ZFPM2: variants seen among roughly 807,000 people sequenced by gnomAD.
ZFPM2 encodes the protein zinc finger protein ZFPM2.
A neutral mutation model predicts 98.6 loss-of-function variants in ZFPM2; 20 were observed. The observed-to-expected ratio is 0.20, with a 90% CI of 0.14 to 0.29. ZFPM2 has a LOEUF of 0.29. Among genes scored for constraint, ZFPM2 ranks in the 10% least tolerant of loss-of-function variants. ZFPM2 has a pLI of 1.00. For synonymous variants in ZFPM2, 518 were observed against 502.7 expected (o/e 1.03, Z -0.41); for missense variants, 1,310 against 1,388.6 (o/e 0.94, Z 0.90).
chr8:105,377,728 C>T (rs144774754), intron 1 of ZFPM2, among the ~76,000 whole-genome samples: 2 of 151,646 alleles, frequency 1.3e-5, no homozygotes, highest in East Asian at 1.9e-4. Flanking sequence ...TGCAGTGAGC[C>T]GAGATTGCAC....
intron 5 of ZFPM2, among the ~76,000 whole-genome samples, chr8:105,721,658 T>A (rs984664939): frequency 6.6e-6 from 1 of 151,996 alleles, no homozygotes; most frequent in Admixed American, 6.6e-5. Flanking sequence ...TTCACTCTAT[T>A]TTTTGAAAAA....
intron 1 of ZFPM2, among the ~76,000 whole-genome samples, chr8:105,416,152 T>TA (rs1271096329): frequency 1.3e-5 from 2 of 151,790 alleles, no homozygotes; most frequent in East Asian, 3.9e-4. Context: ...TAAATATACA[T>TA]ATGTATCTGT....
chr8:105,755,408 C>T (rs553867416), intron 5 of ZFPM2, among the ~76,000 whole-genome samples: 2 of 152,224 alleles, frequency 1.3e-5, no homozygotes, highest in South Asian at 4.1e-4. Context: ...GATACCACTT[C>T]ATGCACACTG....
intron 1 of ZFPM2, among the ~76,000 whole-genome samples, chr8:105,369,267 G>A (rs1370986008): frequency 2.6e-5 from 4 of 152,078 alleles, no homozygotes; most frequent in Middle Eastern, 3.2e-3. Context: ...TTATCCTGAC[G>A]TGAATTATAT....
At chr8:105,795,363 A>G (rs993169716) in intron 6 of ZFPM2, among the ~76,000 whole-genome samples, 2 of 151,846 alleles carry the variant, frequency 1.3e-5, no homozygotes, top group African/African-American at 4.8e-5. Flanking sequence ...ACACACACAC[A>G]CACACACACA....
chr8:105,380,936 T>TA (rs1210696310), intron 1 of ZFPM2, among the ~76,000 whole-genome samples: 3 of 107,934 alleles, frequency 2.8e-5, no homozygotes, highest in Admixed American at 1.5e-4. Context: ...ATAATATATA[T>TA]ATTATTATAC....
chr8:105,548,535 G>A (rs1207979880), intron 3 of ZFPM2, among the ~76,000 whole-genome samples: 2 of 151,866 alleles, frequency 1.3e-5, no homozygotes, highest in Admixed American at 1.3e-4. Flanking sequence ...TTATCTCAAG[G>A]CAACGTTCTC....
chr8:105,319,053 G>C, intron 1 of ZFPM2, 72 bp downstream of exon 1: 2 of 1,439,782 alleles, frequency 1.4e-6, no homozygotes, highest in Non-Finnish European at 1.9e-6. Context: ...ACGGGAAAGC[G>C]GTGGGTGGGT....
At chr8:105,751,558 A>G (rs1041747225) in intron 5 of ZFPM2, among the ~76,000 whole-genome samples, 8 of 152,116 alleles carry the variant, frequency 5.3e-5, no homozygotes, top group Admixed American at 4.6e-4. Context: ...GCTTAGGGAA[A>G]GAAGGGCTAG....
chr8:105,483,918 T>C (rs969810760), intron 3 of ZFPM2, among the ~76,000 whole-genome samples: 1 of 151,804 alleles, frequency 6.6e-6, no homozygotes, highest in Admixed American at 6.6e-5. Flanking sequence ...GTATTTTTAG[T>C]AGAGAGTGGG....
chr8:105,782,135 A>T (rs1813269590), intron 5 of ZFPM2, among the ~76,000 whole-genome samples: 1 of 152,234 alleles, frequency 6.6e-6, no homozygotes, highest in Admixed American at 6.5e-5. Flanking sequence ...TCTTGGGGGA[A>T]ATCAATAAGA....
chr8:105,361,538 G>A (rs1812861689), intron 1 of ZFPM2, among the ~76,000 whole-genome samples: 1 of 152,034 alleles, frequency 6.6e-6, no homozygotes, highest in Admixed American at 6.6e-5. Flanking sequence ...TAGACATGGA[G>A]ATCTTTAACT....
intron 4 of ZFPM2, among the ~76,000 whole-genome samples, chr8:105,565,006 G>A (rs761989069): frequency 2.5e-4 from 38 of 151,908 alleles, no homozygotes; most frequent in African/African-American, 5.6e-4. Flanking sequence ...TTGGATTAGC[G>A]CACTCTCTTA....
At chr8:105,762,835 C>T (rs1014214475) in intron 5 of ZFPM2, among the ~76,000 whole-genome samples, 10 of 151,726 alleles carry the variant, frequency 6.6e-5, no homozygotes, top group African/African-American at 2.4e-4. Context: ...AATCTTTAAC[C>T]TTATGATAAT....
chr8:105,551,264 T>A (rs1191054798), intron 3 of ZFPM2, among the ~76,000 whole-genome samples: 1 of 152,152 alleles, frequency 6.6e-6, no homozygotes, highest in Non-Finnish European at 1.5e-5. Flanking sequence ...TCTCCTAAAT[T>A]TTGGGATCTG....
intron 5 of ZFPM2, among the ~76,000 whole-genome samples, chr8:105,772,910 T>G (rs2131094240): frequency 6.6e-6 from 1 of 152,278 alleles, no homozygotes; most frequent in South Asian, 2.1e-4. Context: ...ATCTTTATGC[T>G]TTGTTATCTT....
chr8:105,669,429 T>TTA (rs1403307436), intron 5 of ZFPM2, among the ~76,000 whole-genome samples: 2 of 150,460 alleles, frequency 1.3e-5, no homozygotes, highest in African/African-American at 2.4e-5. Context: ...ATATATATAT[T>TTA]TATATATATA....
At chr8:105,524,464 G>A (rs1275535082) in intron 3 of ZFPM2, among the ~76,000 whole-genome samples, 2 of 151,578 alleles carry the variant, frequency 1.3e-5, no homozygotes, top group Non-Finnish European at 2.9e-5. Flanking sequence ...GTGTGTGTGT[G>A]TGTGTATGTG....
chr8:105,588,849 G>A (rs1728505643), intron 4 of ZFPM2, among the ~76,000 whole-genome samples: 1 of 152,184 alleles, frequency 6.6e-6, no homozygotes, highest in South Asian at 2.1e-4. Context: ...AGGCCAGTTA[G>A]GGGGCAAGTT....
Sources: gnomAD v4.1 joint callset for allele counts (sites outside exome capture counted in the v4.1 genomes callset) on GRCh38, gnomAD v4.1.1 for gene constraint, MANE v1.5 for transcripts, NCBI Gene and HGNC (gene_info 2026-07-23, HGNC 2026-07-21) for gene names.